The following CCDC63 variants were observed in gnomAD, a reference collection of about 807,000 sequenced individuals.
CCDC63 encodes coiled-coil domain-containing protein 63.
CCDC63 carries 54 observed loss-of-function variants against 63.6 expected under a neutral mutation model. The ratio of observed to expected loss-of-function variants is 0.85; its 90% confidence interval spans 0.68 to 1.07. The LOEUF is 1.07. Ranked by LOEUF, CCDC63 falls within the 50% of genes least tolerant of loss-of-function variation. The probability of loss-of-function intolerance (pLI) is 0.00; values close to 1 mark genes in which losing one functional copy is unlikely to be tolerated. For synonymous variants in CCDC63, 253 were observed against 266.1 expected (o/e 0.95, Z 0.48); for missense variants, 637 against 689.6 (o/e 0.92, Z 0.86).
chr12:110,845,964 A>G (rs1171145539), upstream of CCDC63: 4 of 144,556 alleles, frequency 2.8e-5, no homozygotes, highest in Non-Finnish European at 1.5e-5. Context: ...AAATACAAAA[A>G]AAAAAAAAAA....
At chr12:110,855,970 G>C (rs891722842) in intron 3 of CCDC63, among the ~76,000 whole-genome samples, 1 of 152,148 alleles carries the variant, frequency 6.6e-6, no homozygotes, top group Non-Finnish European at 1.5e-5. Context: ...CATTCAGGGA[G>C]TAACTTAAGG....
Position 110,884,229 on chromosome 12 carries a change from C to A in CCDC63, c.1053C>A (p.His351Gln). Reference sequence around the variant, plus strand: ...TCAACAACGACATGGAGATGATGCACAAGAGGACCCAACGAATCCAGGTCA... The same window carrying A: ...TCAACAACGACATGGAGATGATGCAAAAGAGGACCCAACGAATCCAGGTCA... Reference protein sequence around the residue: ...TELNNDMEMMHKRTQRIQDEI... With the variant: ...TELNNDMEMMQKRTQRIQDEI... Residue 351 changes from histidine (H) to glutamine (Q), a missense_variant, in exon 8 of 12, where the codon CAC becomes CAA. Physicochemically the swap from His to Gln is conservative, Grantham distance 24. Transcript: ENST00000308208. The A allele has an allele frequency of 6.2e-7, 1 of 1,614,098 alleles. No individual in the cohort carries two copies. Among genetic ancestry groups the A allele is most frequent in the African/African-American group, 1.3e-5 (1 of 75,036 alleles).
chr12:110,864,629 C>T (rs557574351), intron 4 of CCDC63, among the ~76,000 whole-genome samples: 1 of 151,388 alleles, frequency 6.6e-6, no homozygotes, highest in East Asian at 1.9e-4. Flanking sequence ...ATCACTTGAA[C>T]CTGGGAGGGC....
chr12:110,905,793 A>G (rs1446753151), intron 11 of CCDC63, among the ~76,000 whole-genome samples: 2 of 139,428 alleles, frequency 1.4e-5, no homozygotes, highest in Non-Finnish European at 1.5e-5. Context: ...CTACATATGC[A>G]TGCAATACAC....
chr12:110,867,738 G>C (rs2070988878), intron 4 of CCDC63, among the ~76,000 whole-genome samples: 1 of 128,182 alleles, frequency 7.8e-6, no homozygotes, highest in Admixed American at 7.6e-5. Context: ...CAGGGCGGCT[G>C]GCCAGGCGGG....
intron 9 of CCDC63, among the ~76,000 whole-genome samples, chr12:110,894,821 G>A (rs994129492): frequency 1.3e-5 from 2 of 152,212 alleles, no homozygotes; most frequent in African/African-American, 4.8e-5. Flanking sequence ...TCTGCCTGAA[G>A]CCCCACCGCT....
At chr12:110,853,602 A>C in intron 3 of CCDC63, 28 bp downstream of exon 3, 1 of 1,613,614 alleles carries the variant, frequency 6.2e-7, no homozygotes, top group Non-Finnish European at 8.5e-7. Flanking sequence ...TTTCGCACTG[A>C]GTGACCTTGG....
intron 4 of CCDC63, among the ~76,000 whole-genome samples, chr12:110,861,891 G>T (rs747036440): frequency 6.6e-6 from 1 of 151,950 alleles, no homozygotes; most frequent in Non-Finnish European, 1.5e-5. Context: ...CTTCTGCTGG[G>T]ACATCATCCC....
intron 1 of CCDC63, among the ~76,000 whole-genome samples, chr12:110,849,446 C>T (rs1207099883): frequency 6.7e-6 from 1 of 150,170 alleles, no homozygotes; most frequent in East Asian, 2.0e-4. Flanking sequence ...CATGCCTTCA[C>T]AATAATTTCT....
At chr12:110,849,069 A>G (rs1440402477) in intron 1 of CCDC63, among the ~76,000 whole-genome samples, 1 of 152,230 alleles carries the variant, frequency 6.6e-6, no homozygotes, top group African/African-American at 2.4e-5. Context: ...ATTTCCCAAC[A>G]TCAGACAATT....
At chr12:110,869,204 T>G (rs1433562519) in intron 4 of CCDC63, among the ~76,000 whole-genome samples, 1 of 152,200 alleles carries the variant, frequency 6.6e-6, no homozygotes, top group African/African-American at 2.4e-5. Context: ...TTCACAACAC[T>G]GAGCACTTAA....
chr12:110,903,829 G>A (rs966856307), intron 10 of CCDC63, among the ~76,000 whole-genome samples: 5 of 149,858 alleles, frequency 3.3e-5, no homozygotes, highest in Non-Finnish European at 6.0e-5. Flanking sequence ...AACAGCATAA[G>A]CAAAGGCCTG....
intron 6 of CCDC63, among the ~76,000 whole-genome samples, chr12:110,880,654 T>C (rs1314681719): frequency 1.0e-4 from 1 of 10,006 alleles, no homozygotes; most frequent in Non-Finnish European, 2.2e-4. Flanking sequence ...GACACAGTAA[T>C]TGATAAGTGG....
intron 9 of CCDC63, among the ~76,000 whole-genome samples, chr12:110,895,106 T>C (rs953570705): frequency 2.0e-5 from 3 of 151,604 alleles, no homozygotes; most frequent in African/African-American, 7.3e-5. Flanking sequence ...TATTTTTTAA[T>C]TTTAATTAAT....
intron 5 of CCDC63, among the ~76,000 whole-genome samples, chr12:110,874,427 C>G (rs894778945): frequency 2.6e-5 from 4 of 152,156 alleles, no homozygotes; most frequent in Non-Finnish European, 5.9e-5. Context: ...TCTACAGTGA[C>G]TTTTGCATTA....
intron 9 of CCDC63, among the ~76,000 whole-genome samples, chr12:110,894,360 C>G (rs1464571239): frequency 1.3e-5 from 2 of 152,130 alleles, no homozygotes; most frequent in African/African-American, 2.4e-5. Flanking sequence ...ACATTGCCAC[C>G]CTAAATACAA....
rs2070809380 is a variant in CCDC63 at position 110,858,610 on chromosome 12, A to G, written c.204A>G (p.Thr68=). The change falls in exon 4 of 12, where the codon ACA becomes ACG. Residue 68 remains threonine, a synonymous_variant. Transcript: ENST00000308208. The stretch of plus-strand genomic sequence containing the variant: ...GCAAGGAGATCAAGACCCTGAAGAC[A>G]GAGCAGGATGAGATCACCCTACTGT... The part of the protein sequence containing the change: ...SQYKEIKTLK[T]EQDEITLLLS... 1 of 1,613,154 alleles carries G rather than the reference A, an allele frequency of 6.2e-7. No individual in the cohort carries two copies. Among genetic ancestry groups the G allele is most frequent in the African/African-American group, 1.3e-5 (1 of 74,888 alleles).
In CCDC63 at chr12:110,907,329, A is replaced by T; in HGVS notation, c.1547-2A>T. 2 of 1,613,068 alleles carry T rather than the reference A, an allele frequency of 1.2e-6. No individual in the cohort carries two copies. The highest frequency in any genetic ancestry group is 1.7e-6 in the Non-Finnish European group (2 of 1,179,714). ...CCTCACACAAATCTGATCTTGGTGC[A>T]GTGGAACAGCCCCTGGACCACAGCA... On this transcript the variant is annotated splice_acceptor_variant, in intron 11 of 11. Coordinates refer to ENST00000308208, the MANE Select transcript of CCDC63 (RefSeq NM_152591.3). LOFTEE classifies it high-confidence loss of function. This position sits in a 1 kb window ranked among gnomAD's most constrained non-coding sequence, Gnocchi z 4.4.
At chr12:110,883,834 T>C (rs191558630) in intron 7 of CCDC63, among the ~76,000 whole-genome samples, 196 bp from the exon 8 acceptor site, 266 of 152,248 alleles carry the variant, frequency 1.7e-3, no homozygotes, top group African/African-American at 6.3e-3. Context: ...GAGACGGGGT[T>C]TCGCCATGTT....
Sources: gnomAD v4.1 joint callset for allele counts (sites outside exome capture counted in the v4.1 genomes callset) on GRCh38, gnomAD v4.1.1 for gene constraint, Gnocchi (gnomAD v3.1) non-coding constraint, MANE v1.5 for transcripts, NCBI Gene and HGNC (gene_info 2026-07-23, HGNC 2026-07-21) for gene names.